The following FAM167A variants were observed in gnomAD, a reference collection of about 807,000 sequenced individuals.
FAM167A encodes protein FAM167A.
Under a neutral mutation model 14.9 loss-of-function variants are expected in FAM167A, and 23 were observed. That is an observed-to-expected ratio of 1.55 (90% CI 1.11 to 2.19). The LOEUF (loss-of-function observed/expected upper bound fraction) is 2.19. Among genes scored for constraint, FAM167A ranks in the 30% most tolerant of loss-of-function variants. The probability of loss-of-function intolerance (pLI) is 0.00; values close to 1 mark genes in which losing one functional copy is unlikely to be tolerated. For synonymous variants in FAM167A, 174 were observed against 117.7 expected (o/e 1.48, Z -3.10); for missense variants, 401 against 281.5 (o/e 1.42, Z -3.04).
chr8:11,436,910 T>C (rs970489662), intron 2 of FAM167A, among the ~76,000 whole-genome samples: 1 of 152,194 alleles, frequency 6.6e-6, no homozygotes. Flanking sequence ...CATGAGCTGC[T>C]GGAGTGGGGA....
chr8:11,469,375 G>A (rs1807884894), upstream of FAM167A, among the ~76,000 whole-genome samples: 1 of 152,178 alleles, frequency 6.6e-6, no homozygotes, highest in South Asian at 2.1e-4. Context: ...TGGTGTTTCT[G>A]ATGGCACTTC....
At chr8:11,451,066 A>C (rs1807003613) in intron 1 of FAM167A, among the ~76,000 whole-genome samples, 1 of 152,238 alleles carries the variant, frequency 6.6e-6, no homozygotes, top group East Asian at 1.9e-4. Flanking sequence ...CCTCTTCTGG[A>C]AAGTGCATCC....
chr8:11,430,393 T>C (rs1805498179), intron 2 of FAM167A, among the ~76,000 whole-genome samples: 1 of 152,168 alleles, frequency 6.6e-6, no homozygotes, highest in Non-Finnish European at 1.5e-5. Context: ...CAGATGTTTG[T>C]TTTTTTGGGG....
rs540122150 is a variant in FAM167A, at chr8:11,422,693, G to T, written c.*1680C>A. The T allele has an allele frequency of 2.6e-5, 4 of 152,314 alleles. No homozygotes were observed. The highest frequency in any genetic ancestry group is 2.6e-4 in the Admixed American group (4 of 15,294). 9.4% of individuals were successfully genotyped at this position (152,314 alleles called of 1,614,324 possible). A position where few individuals can be genotyped will look rare whatever the true frequency, so the allele number is the denominator to read the frequency against. On this transcript the variant is annotated 3_prime_UTR_variant, in exon 3 of 3. Coordinates refer to ENST00000284486, the MANE Select transcript of FAM167A (RefSeq NM_053279.3). The stretch of plus-strand genomic sequence containing the variant: ...ATTCATTTGCATTGTCCTACTCTCA[G>T]CCCACAAAAGAAAAGCAACCTCTCC...
intron 1 of FAM167A, chr8:11,445,308 C>A: frequency 1.0e-6 from 1 of 985,994 alleles, no homozygotes; most frequent in Non-Finnish European, 1.2e-6. Context: ...GTCCAGGTGC[C>A]ACTGCCCCCT....
At chr8:11,474,207 C>T (rs1295679747) in intron 1 of FAM167A, among the ~76,000 whole-genome samples, 1 of 152,210 alleles carries the variant, frequency 6.6e-6, no homozygotes, top group Non-Finnish European at 1.5e-5. Context: ...GCGCCAACTG[C>T]TCTTGGTTTG....
At chr8:11,442,387 A>T (rs944314802) in intron 2 of FAM167A, among the ~76,000 whole-genome samples, 3 of 152,166 alleles carry the variant, frequency 2.0e-5, no homozygotes, top group African/African-American at 7.2e-5. Context: ...AAAGCTCCCC[A>T]GGTGGTTACG....
In FAM167A at chr8:11,424,637, C is replaced by T. The variant is rs1413209098; in HGVS notation, c.382-1G>A. ...GCTGGTCCTGCAGCCGCATCTCCGT[C>T]TGGAAGGGAGGGGGAGCAGGCAGGG... On this transcript the variant is annotated splice_acceptor_variant, in intron 2 of 2. Coordinates refer to ENST00000284486, the MANE Select transcript of FAM167A (RefSeq NM_053279.3). LOFTEE classifies it high-confidence loss of function. 34 of 1,613,178 alleles carry T rather than the reference C, an allele frequency of 2.1e-5. No homozygotes were observed. The highest frequency in any genetic ancestry group is 2.8e-5 in the Non-Finnish European group (33 of 1,179,710).
At chr8:11,467,470 A>G (rs1807818875), upstream of FAM167A, 1 of 152,568 alleles carries the variant, frequency 6.6e-6, no homozygotes, top group South Asian at 2.1e-4. Flanking sequence ...GGCCCAGGCC[A>G]GACACTGGAG....
chr8:11,449,074 C>G lies in FAM167A; in HGVS notation c.-397-4266G>C, dbSNP rs976452634. On this transcript the variant is annotated intron_variant, in intron 1 of 2. Transcript: ENST00000284486. Reference sequence around the variant, plus strand: ...AGGAACGGGATTGCCCCCAGCACAGCCAGATGGTGAGGAGCTGCTGCAGGA... The same window carrying G: ...AGGAACGGGATTGCCCCCAGCACAGGCAGATGGTGAGGAGCTGCTGCAGGA... Among the ~76,000 whole-genome samples, 3 of 152,198 alleles carry G rather than the reference C, an allele frequency of 2.0e-5. No individual in the cohort carries two copies. The South Asian group carries it at 6.2e-4, about 32-fold the overall frequency.
chr8:11,469,619 C>T (rs191899723), upstream of FAM167A, among the ~76,000 whole-genome samples: 7 of 152,146 alleles, frequency 4.6e-5, no homozygotes, highest in East Asian at 1.4e-3. Context: ...GTAATCCCAG[C>T]AATTTGGGAG....
chr8:11,472,146 A>T (rs907112563), upstream of FAM167A, among the ~76,000 whole-genome samples: 1 of 152,250 alleles, frequency 6.6e-6, no homozygotes, highest in African/African-American at 2.4e-5. Context: ...GGCCTCTCAA[A>T]TGTCAGGCTG....
chr8:11,473,799 G>C (rs1331163812), intron 1 of FAM167A, among the ~76,000 whole-genome samples: 3 of 152,156 alleles, frequency 2.0e-5, no homozygotes, highest in African/African-American at 4.8e-5. Context: ...GAAAATGCCT[G>C]ACAGTCTTAG....
At position 11,447,961 on chromosome 8, in the gene FAM167A, C is replaced by T. The variant is rs146500657; in HGVS notation, c.-397-3153G>A. 7.7e-3 allele frequency among the ~76,000 whole-genome samples: 1,174 copies of T among 152,188 alleles called. 28 individuals are homozygous for T. The highest frequency in any genetic ancestry group is 0.027 in the African/African-American group (1,116 of 41,524). On this transcript the variant is annotated intron_variant, in intron 1 of 2. Transcript: ENST00000284486. Reference sequence around the variant, plus strand: ...CTGTAATCCCAGCACTTTGGGAGGCCGAGGCGGGTGGATCACGAGGTCAAG... The same window carrying T: ...CTGTAATCCCAGCACTTTGGGAGGCTGAGGCGGGTGGATCACGAGGTCAAG...
At chr8:11,455,252 T>G (rs1807191854) in intron 1 of FAM167A, among the ~76,000 whole-genome samples, 4 of 138,848 alleles carry the variant, frequency 2.9e-5, no homozygotes, top group Admixed American at 2.2e-4. Flanking sequence ...GCTGTGTGAG[T>G]GTGGGTGGTG....
At chr8:11,430,203 G>A (rs1433537078) in intron 2 of FAM167A, among the ~76,000 whole-genome samples, 1 of 152,230 alleles carries the variant, frequency 6.6e-6, no homozygotes. Context: ...CAGAGGTGCA[G>A]CCTGTAATCC....
chr8:11,430,452 T>C (rs1805503204), intron 2 of FAM167A, among the ~76,000 whole-genome samples: 1 of 152,166 alleles, frequency 6.6e-6, no homozygotes, highest in African/African-American at 2.4e-5. Flanking sequence ...CTGGGTGAAG[T>C]GTTGAAATGT....
chr8:11,439,011 C>T (rs978763319), intron 2 of FAM167A, among the ~76,000 whole-genome samples: 19 of 152,244 alleles, frequency 1.2e-4, no homozygotes, highest in Admixed American at 1.1e-3. Context: ...GGTTTAAGCA[C>T]GGGCTTTCTG....
chr8:11,421,714 C>A lies in FAM167A; in HGVS notation c.*2659G>T, dbSNP rs1212148613. 2 of 398,910 alleles carry A rather than the reference C, an allele frequency of 5.0e-6. No individual in the cohort carries two copies. Among genetic ancestry groups the A allele is most frequent in the Non-Finnish European group, 8.8e-6 (2 of 226,092 alleles). 24.7% of individuals were successfully genotyped at this position (398,910 alleles called of 1,614,324 possible). On this transcript the variant is annotated 3_prime_UTR_variant, in exon 3 of 3. Transcript: ENST00000284486. ...CCCTGAAGGCATCAAGACATGACCA[C>A]GCATGGCAGTGTCGGTGGAGAGTTT... is the stretch of plus-strand genomic sequence containing the variant.
Sources: gnomAD v4.1 joint callset for allele counts (sites outside exome capture counted in the v4.1 genomes callset) on GRCh38, gnomAD v4.1.1 for gene constraint, MANE v1.5 for transcripts, NCBI Gene and HGNC (gene_info 2026-07-23, HGNC 2026-07-21) for gene names.